ATP11A: variants seen among roughly 807,000 people sequenced by gnomAD.
ATP11A encodes phospholipid-transporting ATPase IH.
ATP11A carries 81 observed loss-of-function variants against 154.4 expected under a neutral mutation model. That is an observed-to-expected ratio of 0.52 (90% CI 0.44 to 0.63). ATP11A has a LOEUF of 0.63. Ranked by LOEUF, ATP11A falls within the 30% of genes least tolerant of loss-of-function variation. The pLI is 0.00. For missense variants in ATP11A, 1,316 were observed against 1,474.3 expected (o/e 0.89, Z 1.76); for synonymous variants, 623 against 585.9 (o/e 1.06, Z -0.91).
chr13:112,714,938 C>T (rs892015904), intron 1 of ATP11A, among the ~76,000 whole-genome samples: 2 of 151,898 alleles, frequency 1.3e-5, no homozygotes, highest in Non-Finnish European at 2.9e-5. Flanking sequence ...ATTCTCTCCT[C>T]CTTCCCCCTT....
rs1289098632 is a variant in ATP11A at position 112,753,134 on chromosome 13, T to C, written c.40-32001T>C. On this transcript the variant is annotated intron_variant, in intron 1 of 29. Transcript: ENST00000375645. The surrounding 1 kb of genome is among the most constrained non-coding windows in gnomAD (Gnocchi z 4.1). ...TACAGTTACCCCGGCCCAGACTTTT[T>C]TCTCTCTGTCCCTCCGTCCCTTTGT... 6.6e-6 allele frequency among the ~76,000 whole-genome samples: 1 copy of C among 152,166 alleles called. No individual in the cohort carries two copies. Among genetic ancestry groups the C allele is most frequent in the Non-Finnish European group, 1.5e-5 (1 of 68,026 alleles).
chr13:112,845,561 C>T (rs1233122573), intron 17 of ATP11A, among the ~76,000 whole-genome samples: 13 of 106,076 alleles, frequency 1.2e-4, no homozygotes, highest in African/African-American at 6.0e-4. Flanking sequence ...GCGGTACTAA[C>T]CAGTCCAGTT....
At chr13:112,755,157 A>AT (rs2076789429) in intron 1 of ATP11A, among the ~76,000 whole-genome samples, 1 of 152,114 alleles carries the variant, frequency 6.6e-6, no homozygotes, top group East Asian at 1.9e-4. Flanking sequence ...TTTTCTTTTG[A>AT]TTTTTTTCAA....
At chr13:112,863,327 C>T (rs1594212170) in intron 25 of ATP11A, among the ~76,000 whole-genome samples, 1 of 147,490 alleles carries the variant, frequency 6.8e-6, no homozygotes, top group Non-Finnish European at 1.5e-5. Context: ...GCCCATGCAG[C>T]TTCCCAGCGG....
At chr13:112,819,789 G>A (rs1472723927) in intron 7 of ATP11A, 111 bp from the exon 8 acceptor site, 21 of 1,132,042 alleles carry the variant, frequency 1.9e-5, no homozygotes, top group South Asian at 6.4e-5. Flanking sequence ...AGCCGCACAC[G>A]GAGCGGGCCA....
chr13:112,831,442 G>T lies in ATP11A; in HGVS notation c.1289G>T (p.Cys430Phe). 6.2e-7 allele frequency: 1 copy of T among 1,614,214 alleles called. No individual in the cohort carries two copies. Among genetic ancestry groups the T allele is most frequent in the Non-Finnish European group, 8.5e-7 (1 of 1,180,032 alleles). Residue 430 changes from cysteine (C) to phenylalanine (F), a missense_variant, in exon 13 of 30, where the codon TGC becomes TTC. Coordinates refer to ENST00000375645, the MANE Select transcript of ATP11A (RefSeq NM_015205.3). Reference sequence around the variant, plus strand: ...AACAACATGGAGTTCAAGGAGTGCTGCATCGAAGGCCATGTCTACGTGCCC... The same window carrying T: ...AACAACATGGAGTTCAAGGAGTGCTTCATCGAAGGCCATGTCTACGTGCCC... Reference protein sequence around the residue: ...TENNMEFKECCIEGHVYVPHV... With the variant: ...TENNMEFKECFIEGHVYVPHV...
chr13:112,702,274 A>G (rs966753852), intron 1 of ATP11A, among the ~76,000 whole-genome samples: 14 of 147,144 alleles, frequency 9.5e-5, no homozygotes, highest in Non-Finnish European at 1.5e-4. Context: ...TGAACCCAGG[A>G]GGCAGAGGTT....
chr13:112,881,659 G>A (rs900700005), intron 29 of ATP11A: 48 of 1,205,740 alleles, frequency 4.0e-5, no homozygotes, highest in Admixed American at 6.3e-5. Flanking sequence ...GGTGGATCCC[G>A]CCCGGCCTGC....
intron 2 of ATP11A, among the ~76,000 whole-genome samples, chr13:112,802,793 T>C (rs1354362555): frequency 6.6e-6 from 1 of 152,192 alleles, no homozygotes; most frequent in Non-Finnish European, 1.5e-5. Context: ...GATTAAAAAC[T>C]TGAGCTTTGC....
intron 19 of ATP11A, 54 bp downstream of exon 19, chr13:112,854,584 A>T: frequency 6.4e-7 from 1 of 1,562,480 alleles, no homozygotes; most frequent in Non-Finnish European, 8.6e-7. Context: ...GGGGCTTCAG[A>T]CCCAGTGGCC....
rs1407980697 is a variant in ATP11A, at chr13:112,807,845, G to A, written c.333+1552G>A. Among the ~76,000 whole-genome samples, 1 of 152,144 alleles carries A rather than the reference G, an allele frequency of 6.6e-6. No homozygotes were observed. Among genetic ancestry groups the A allele is most frequent in the African/African-American group, 2.4e-5 (1 of 41,408 alleles). On this transcript the variant is annotated intron_variant, in intron 4 of 29. Coordinates refer to ENST00000375645, the MANE Select transcript of ATP11A (RefSeq NM_015205.3). The surrounding 1 kb of genome is among the most constrained non-coding windows in gnomAD (Gnocchi z 4.5). ...CCTCTCAAGGGGAGCAGAGAGAAGG[G>A]GCGCGGGGGTGCAGAACAAGGGGCT... is the stretch of plus-strand genomic sequence containing the variant.
rs1451812902 is a variant in ATP11A at position 112,864,909 on chromosome 13, C to T, written c.2991+2334C>T. ...GGCCTGCGCAGCTTCCCAGCGGGGT[C>T]CATCACCACCTGCGCAGTAATTCAG... On this transcript the variant is annotated intron_variant, in intron 25 of 29. Coordinates refer to ENST00000375645, the MANE Select transcript of ATP11A (RefSeq NM_015205.3). Among the ~76,000 whole-genome samples, 354 of 63,426 alleles carry T rather than the reference C, an allele frequency of 5.6e-3. 9 individuals carry two copies. The highest frequency in any genetic ancestry group is 9.4e-3 in the Admixed American group (46 of 4,914). 41.6% of individuals were successfully genotyped at this position (63,426 alleles called of 152,430 possible).
Position 112,878,218 on chromosome 13 carries a change from CTAAG to C in ATP11A, c.3330_3333del (p.Lys1111AlafsTer21), listed in dbSNP as rs1384000708. The C allele has an allele frequency of 6.2e-7, 1 of 1,614,092 alleles. No homozygotes were observed. The highest frequency in any genetic ancestry group is 8.5e-7 in the Non-Finnish European group (1 of 1,180,014). Reference sequence around the variant, plus strand: ...GTGGCCGCTGACCTCGGGACTAAGACTAAGAGCCAGTGCCTTTCTGTCGAGCAGT... The same window carrying C: ...GTGGCCGCTGACCTCGGGACTAAGACAGCCAGTGCCTTTCTGTCGAGCAGT... On this transcript the variant is annotated frameshift_variant and splice_region_variant, in exon 29 of 30. Coordinates refer to ENST00000375645, the MANE Select transcript of ATP11A (RefSeq NM_015205.3). LOFTEE classifies it high-confidence loss of function.
At chr13:112,729,578 A>G (rs377492384) in intron 1 of ATP11A, among the ~76,000 whole-genome samples, 53 of 150,060 alleles carry the variant, frequency 3.5e-4, no homozygotes, top group African/African-American at 1.2e-3. Context: ...AGTGTGAACA[A>G]TGTTGGAAGG....
In ATP11A at chr13:112,714,596, T is replaced by C. The variant is rs551803306; in HGVS notation, c.39+24141T>C. 9.2e-5 allele frequency among the ~76,000 whole-genome samples: 14 copies of C among 152,322 alleles called. No individual in the cohort carries two copies. In the East Asian group the frequency reaches 2.3e-3, roughly 25 times the overall value. ...CCAGCCCCCTCTGCTGCCTTCTTTG[T>C]GTGTCTGTGATGGAATACGCGTTCT... is the stretch of plus-strand genomic sequence containing the variant. On this transcript the variant is annotated intron_variant, in intron 1 of 29. Coordinates refer to ENST00000375645, the MANE Select transcript of ATP11A (RefSeq NM_015205.3).
Position 112,810,690 on chromosome 13 carries a change from C to T in ATP11A, c.405C>T (p.His135=), listed in dbSNP as rs184124766. Residue 135 remains histidine (H), a synonymous_variant, in exon 5 of 30, where the codon CAC becomes CAT. Transcript: ENST00000375645. ...MNQCPVHFIQ[H]GKLVRKQSRK... is the part of the protein sequence containing the mutation. ...AGTGTCCTGTTCATTTCATTCAGCACGGCAAGCTCGTTCGGAAACAAAGTC... is the reference window on the plus strand; with the variant it reads ...AGTGTCCTGTTCATTTCATTCAGCATGGCAAGCTCGTTCGGAAACAAAGTC... 5.0e-5 allele frequency: 81 copies of T among 1,614,174 alleles called. 1 individual carries two copies. The highest frequency in any genetic ancestry group is 1.2e-4 in the Admixed American group (7 of 60,022).
intron 17 of ATP11A, among the ~76,000 whole-genome samples, chr13:112,848,114 G>A (rs922156842): frequency 6.6e-5 from 10 of 152,176 alleles, no homozygotes; most frequent in East Asian, 1.9e-4. Flanking sequence ...GAGGAAGGGC[G>A]GGAGGGAAGA....
rs982729158 is a variant in ATP11A at position 112,882,622 on chromosome 13, C to T, written c.*756C>T. The stretch of plus-strand genomic sequence containing the variant: ...CTGTGTGTTGGGGCTGGCTGAGTTT[C>T]GGTCTCCCCATCACCGGCCGCCTCG... On this transcript the variant is annotated 3_prime_UTR_variant, in exon 30 of 30. Transcript: ENST00000375645. This position sits in a 1 kb window ranked among gnomAD's most constrained non-coding sequence, Gnocchi z 5.1. 5.0e-6 allele frequency: 2 copies of T among 401,164 alleles called. No individual in the cohort carries two copies. Among genetic ancestry groups the T allele is most frequent in the Admixed American group, 4.3e-5 (1 of 23,230 alleles). 24.9% of individuals were successfully genotyped at this position (401,164 alleles called of 1,614,324 possible).
rs751663431 is a variant in ATP11A at position 112,855,948 on chromosome 13, G to A, written c.2281G>A (p.Asp761Asn). 9.9e-6 allele frequency: 16 copies of A among 1,613,806 alleles called. No individual in the cohort carries two copies. Among genetic ancestry groups the A allele is most frequent in the Non-Finnish European group, 1.3e-5 (15 of 1,179,880 alleles). Reference protein sequence around the residue: ...ADMQDYGLIIDGAALSLIMKP... With the variant: ...ADMQDYGLIINGAALSLIMKP... ...TATGCAGGACTACGGTTTAATTATC[G>A]ACGGAGCTGCACTGTCTCTGATAAT... The change falls in exon 20 of 30, where the codon GAC becomes AAC. Residue 761 changes from aspartate to asparagine, a missense_variant. Asp to Asn is a conservative substitution (Grantham distance 23, BLOSUM62 1). Coordinates refer to ENST00000375645, the MANE Select transcript of ATP11A (RefSeq NM_015205.3).
Sources: allele counts gnomAD v4.1 joint callset (sites outside exome capture counted in the v4.1 genomes callset), GRCh38; gene constraint gnomAD v4.1.1; non-coding constraint Gnocchi (gnomAD v3.1); transcripts MANE v1.5; gene names NCBI Gene and HGNC (gene_info 2026-07-23, HGNC 2026-07-21).